The following SYNM variants were observed in gnomAD, a reference collection of about 807,000 sequenced individuals.
SYNM encodes synemin.
SYNM carries 95 observed loss-of-function variants against 104.0 expected under a neutral mutation model. The ratio of observed to expected loss-of-function variants is 0.91; its 90% CI spans 0.77 to 1.08. SYNM has a LOEUF of 1.08. Ranked by LOEUF, SYNM falls within the 50% of genes least tolerant of loss-of-function variation. The probability of loss-of-function intolerance (pLI) is 0.00; values close to 1 mark genes in which losing one functional copy is unlikely to be tolerated. For missense variants in SYNM, 2,150 were observed against 2,052.2 expected (o/e 1.05, Z -0.92); for synonymous variants, 918 against 869.0 (o/e 1.06, Z -0.99).
intron 3 of SYNM, among the ~76,000 whole-genome samples, chr15:99,128,373 C>T (rs1353415904): frequency 6.6e-6 from 1 of 152,230 alleles, no homozygotes; most frequent in Non-Finnish European, 1.5e-5. Flanking sequence ...GGTCCCTGCA[C>T]TATTGCCTGG....
Position 99,130,877 on chromosome 15 carries a change from C to CG in SYNM, c.2523dup (p.His842AlafsTer5), listed in dbSNP as rs1469394583. On this transcript the variant is annotated frameshift_variant, in exon 4 of 4. Transcript: ENST00000336292. LOFTEE classifies it high-confidence loss of function. ...TTGTGTCCACTCCAGATGAACACCC[C>CG]GGGGGGCACGACAGAGATGACGGCT... 8.7e-6 allele frequency: 14 copies of CG among 1,613,688 alleles called. No homozygotes were observed. The highest frequency in any genetic ancestry group is 3.3e-5 in the Admixed American group (2 of 59,980).
chr15:99,126,498 G>T (rs1451731857), intron 2 of SYNM, among the ~76,000 whole-genome samples: 1 of 152,252 alleles, frequency 6.6e-6, no homozygotes, highest in Non-Finnish European at 1.5e-5. Context: ...TGGCTGCCAG[G>T]GATGTGGCGG....
At chr15:99,136,564 T>C (rs2067607106), downstream of SYNM, 1 of 152,168 alleles carries the variant, frequency 6.6e-6, no homozygotes, top group South Asian at 2.1e-4. Context: ...ATCTCTCTGG[T>C]GTCTCTCCTT....
intron 2 of SYNM, among the ~76,000 whole-genome samples, chr15:99,115,932 C>A (rs2067344950): frequency 6.6e-6 from 1 of 152,258 alleles, no homozygotes; most frequent in Admixed American, 6.5e-5. Flanking sequence ...TCTGAGCCCT[C>A]ACTCCCATCA....
chr15:99,122,641 G>T (rs4965443), intron 2 of SYNM, among the ~76,000 whole-genome samples: 1 of 151,958 alleles, frequency 6.6e-6, no homozygotes, highest in African/African-American at 2.4e-5. Context: ...TTGGAGACCA[G>T]CCTGGGCAAC....
chr15:99,126,376 C>T (rs1242288999), intron 2 of SYNM, among the ~76,000 whole-genome samples: 2 of 152,244 alleles, frequency 1.3e-5, no homozygotes, highest in East Asian at 1.9e-4. Context: ...TGCTCCTGCT[C>T]CTCTTCACCC....
chr15:99,134,122 C>G lies in SYNM; in HGVS notation c.*1064C>G, dbSNP rs1567286792. The G allele has an allele frequency of 1.3e-5, 2 of 152,252 alleles. No homozygotes were observed. Among genetic ancestry groups the G allele is most frequent in the Non-Finnish European group, 2.9e-5 (2 of 68,022 alleles). 9.4% of individuals were successfully genotyped at this position (152,252 alleles called of 1,614,324 possible). Reference sequence around the variant, plus strand: ...GGGTGAAAGATGAATACAATAACAACCATGAACCCACCTCACGGAAGCTTT... The same window carrying G: ...GGGTGAAAGATGAATACAATAACAAGCATGAACCCACCTCACGGAAGCTTT... On this transcript the variant is annotated 3_prime_UTR_variant, in exon 4 of 4. Transcript: ENST00000336292.
rs1205936002 is a variant in SYNM, at chr15:99,134,025, CAGTGGACTGTGCCTCTTA to C, written c.*969_*986del. 2 of 152,212 alleles carry C rather than the reference CAGTGGACTGTGCCTCTTA, an allele frequency of 1.3e-5. No individual in the cohort carries two copies. The highest frequency in any genetic ancestry group is 4.8e-5 in the African/African-American group (2 of 41,434). The allele number at this position is 152,212 out of a possible 1,614,324, so 9.4% of individuals were successfully genotyped here. ...TGTGTACAGGAAAATTGGAAGCACA[CAGTGGACTGTGCCTCTTA>C]AAGATGCCTTTCCCAACCCTCCATT... On this transcript the variant is annotated 3_prime_UTR_variant, in exon 4 of 4. Transcript: ENST00000336292.
rs1555485439 is a variant in SYNM, at chr15:99,129,655, A to G, written c.1295A>G (p.Tyr432Cys). 3.7e-6 allele frequency: 6 copies of G among 1,613,782 alleles called. No homozygotes were observed. Among genetic ancestry groups the G allele is most frequent in the African/African-American group, 1.3e-5 (1 of 74,896 alleles). ...AACGTCAGAACTTTCTCTCCAACCTATGGCCTTTTAAGAAATACTGAGGCT... is the reference window on the plus strand; with the variant it reads ...AACGTCAGAACTTTCTCTCCAACCTGTGGCCTTTTAAGAAATACTGAGGCT... ...QTNVRTFSPT[Y>C]GLLRNTEAQV... The change falls in exon 4 of 4, where the codon TAT becomes TGT. Residue 432 changes from tyrosine to cysteine, a missense_variant. Coordinates refer to ENST00000336292, the MANE Select transcript of SYNM (RefSeq NM_145728.3).
At position 99,129,915 on chromosome 15, in the gene SYNM, A is replaced by G. The variant is rs1555485490; in HGVS notation, c.1555A>G (p.Lys519Glu). ...AAACAGACCAGAAACCATCCGAACA[A>G]AGCCAGAAGAGAAAATGTTCGATTC... ...ERNRPETIRT[K>E]PEEKMFDSKE... Residue 519 changes from lysine (K) to glutamate (E), a missense_variant, in exon 4 of 4, where the codon AAG (lysine) becomes GAG (glutamate). Transcript: ENST00000336292. 6.2e-7 allele frequency: 1 copy of G among 1,612,638 alleles called. No individual in the cohort carries two copies. Among genetic ancestry groups the G allele is most frequent in the Admixed American group, 1.7e-5 (1 of 59,772 alleles).
intron 3 of SYNM, among the ~76,000 whole-genome samples, chr15:99,127,478 T>C (rs1215207093): frequency 3.3e-5 from 5 of 152,196 alleles, no homozygotes; most frequent in Non-Finnish European, 7.3e-5. Flanking sequence ...GCTAAGCAAG[T>C]GTCGATTAAA....
At chr15:99,137,787 G>A (rs1303978889), downstream of SYNM, 14 of 637,856 alleles carry the variant, frequency 2.2e-5, no homozygotes, top group African/African-American at 2.4e-4. Flanking sequence ...CCACTTAGGT[G>A]ATAGAAAACT....
chr15:99,112,241 A>G (rs1034543581), intron 1 of SYNM, among the ~76,000 whole-genome samples: 1 of 152,186 alleles, frequency 6.6e-6, no homozygotes, highest in Non-Finnish European at 1.5e-5. Context: ...ACAAAGATAA[A>G]TGTTTATAGG....
intron 3 of SYNM, among the ~76,000 whole-genome samples, chr15:99,127,684 GA>G (rs1265109778): frequency 6.6e-6 from 1 of 152,134 alleles, no homozygotes; most frequent in African/African-American, 2.4e-5. Flanking sequence ...GAGTAAGTTT[GA>G]AAAAAGCAAA....
At position 99,113,677 on chromosome 15, in the gene SYNM, G is replaced by T. The variant is rs1555483640; in HGVS notation, c.897G>T (p.Gln299His). 1 of 1,613,548 alleles carries T rather than the reference G, an allele frequency of 6.2e-7. No individual in the cohort carries two copies. Among genetic ancestry groups the T allele is most frequent in the Admixed American group, 1.7e-5 (1 of 59,954 alleles). The change falls in exon 2 of 4, where the codon CAG becomes CAT. Residue 299 changes from glutamine (Q) to histidine (H), a missense_variant. Gln to His is a conservative substitution (Grantham distance 24, BLOSUM62 0). Transcript: ENST00000336292. ...DWLRDYQDLL[Q>H]VKTGLSLEVA... is the part of the protein sequence containing the mutation. ...TGCGGGACTATCAGGACCTCCTGCA[G>T]GTGAAGACCGGCCTCAGTCTGGAGG...
chr15:99,129,300 A>T, intron 3 of SYNM, 67 bp from the exon 4 acceptor site: 2 of 1,571,028 alleles, frequency 1.3e-6, no homozygotes, highest in Non-Finnish European at 1.7e-6. Flanking sequence ...GCCTGCAACA[A>T]TGCTTGTAGA....
At chr15:99,128,848 T>C (rs2151808804) in intron 3 of SYNM, 1 of 154,696 alleles carries the variant, frequency 6.5e-6, no homozygotes, top group East Asian at 1.9e-4. Flanking sequence ...GAAGTTAAAT[T>C]CTTTAATACT....
Position 99,105,607 on chromosome 15 carries a change from G to A in SYNM, c.408G>A (p.Arg136=), listed in dbSNP as rs1044356. 0.34 allele frequency: 431,055 copies of A among 1,262,182 alleles called. 77,031 individuals are homozygous for A. Among genetic ancestry groups the A allele is most frequent in the African/African-American group, 0.61 (38,111 of 62,656 alleles). 78.2% of individuals were successfully genotyped at this position (1,262,182 alleles called of 1,614,324 possible). ...CCGCCCTCGAGGCGCTGCTGGGCCG[G>A]CTGCAGGCCGAGCGCCGAGGCCTCG... ...ARAALEALLG[R]LQAERRGLDA... Residue 136 remains arginine, a synonymous_variant, in exon 1 of 4, where the codon CGG becomes CGA. Coordinates refer to ENST00000336292, the MANE Select transcript of SYNM (RefSeq NM_145728.3).
the SYNM span, among the ~76,000 whole-genome samples, chr15:99,141,523 T>G: frequency 6.6e-6 from 1 of 152,200 alleles, no homozygotes; most frequent in Non-Finnish European, 1.5e-5. Context: ...CTTTGTTATG[T>G]TATCCATACT....
Sources: allele counts gnomAD v4.1 joint callset (sites outside exome capture counted in the v4.1 genomes callset), GRCh38; gene constraint gnomAD v4.1.1; transcripts MANE v1.5; gene names NCBI Gene and HGNC (gene_info 2026-07-23, HGNC 2026-07-21).